The following CDKN2B-AS1 variants were observed in gnomAD, a reference collection of about 807,000 sequenced individuals.
The protein encoded by CDKN2B-AS1 is CDKN2B antisense RNA 1 (non-protein coding).
intron 4 of CDKN2B-AS1, among the ~76,000 whole-genome samples, chr9:22,060,108 T>C (rs897849172): frequency 4.4e-4 from 67 of 152,318 alleles, no homozygotes; most frequent in African/African-American, 1.5e-3. Flanking sequence ...GGATTAACAT[T>C]AGGCCCCATG....
At chr9:22,110,973 T>C (rs1435303179) in intron 4 of CDKN2B-AS1, among the ~76,000 whole-genome samples, 1 of 152,200 alleles carries the variant, frequency 6.6e-6, no homozygotes, top group African/African-American at 2.4e-5. Context: ...GAACATTTTA[T>C]TTTGAGATTC....
chr9:22,011,213 A>G (rs1282620186), intron 1 of CDKN2B-AS1, among the ~76,000 whole-genome samples: 2 of 152,242 alleles, frequency 1.3e-5, no homozygotes, highest in East Asian at 1.9e-4. Flanking sequence ...TCTCCCGTCA[A>G]ATAGAAAGGA....
intron 1 of CDKN2B-AS1, among the ~76,000 whole-genome samples, chr9:22,024,440 A>G (rs902091566): frequency 2.6e-5 from 4 of 152,180 alleles, no homozygotes; most frequent in Non-Finnish European, 5.9e-5. Context: ...CTCCTGCTAT[A>G]GACTGTCTGT....
At chr9:22,020,064 C>G (rs147391940) in intron 1 of CDKN2B-AS1, among the ~76,000 whole-genome samples, 226 of 152,242 alleles carry the variant, frequency 1.5e-3, no homozygotes, top group African/African-American at 5.3e-3. Flanking sequence ...TGTTGTTCCC[C>G]TCTGTGTGTT....
intron 1 of CDKN2B-AS1, chr9:22,004,179 A>G (rs1821055442): frequency 8.6e-6 from 2 of 232,332 alleles, no homozygotes; most frequent in African/African-American, 2.2e-5. Flanking sequence ...CCCCAATAAC[A>G]TATGCTCTGA....
intron 1 of CDKN2B-AS1, among the ~76,000 whole-genome samples, chr9:22,013,299 C>T (rs907518568): frequency 3.9e-5 from 6 of 152,152 alleles, no homozygotes; most frequent in Non-Finnish European, 8.8e-5. Context: ...GAATTTAACC[C>T]ATAACAACAG....
chr9:22,042,138 G>A (rs943838656), intron 1 of CDKN2B-AS1, among the ~76,000 whole-genome samples: 3 of 152,012 alleles, frequency 2.0e-5, no homozygotes, highest in Non-Finnish European at 4.4e-5. Flanking sequence ...GGCACAAGAG[G>A]CCAAGAAATA....
intron 4 of CDKN2B-AS1, among the ~76,000 whole-genome samples, chr9:22,115,664 T>A (rs1039031686): frequency 2.0e-4 from 31 of 152,050 alleles, no homozygotes; most frequent in African/African-American, 7.0e-4. Flanking sequence ...AAGGGGTGGG[T>A]GGGACCTGTG....
At chr9:22,060,926 C>T (rs1002595583) in intron 4 of CDKN2B-AS1, among the ~76,000 whole-genome samples, 6 of 152,144 alleles carry the variant, frequency 3.9e-5, no homozygotes, top group African/African-American at 1.2e-4. Context: ...ATTCAGTTAC[C>T]TCACCCTGGA....
chr9:22,036,168 TG>T (rs1822681289), intron 1 of CDKN2B-AS1, among the ~76,000 whole-genome samples: 1 of 152,096 alleles, frequency 6.6e-6, no homozygotes, highest in African/African-American at 2.4e-5. Context: ...TAATAAAACG[TG>T]GGTCAAAATT....
At chr9:22,081,819 G>A (rs1322513689) in intron 4 of CDKN2B-AS1, among the ~76,000 whole-genome samples, 1 of 152,224 alleles carries the variant, frequency 6.6e-6, no homozygotes, top group Non-Finnish European at 1.5e-5. Context: ...GAAGAACATG[G>A]CACCCAATCC....
chr9:22,041,569 A>G (rs570477635), intron 1 of CDKN2B-AS1, among the ~76,000 whole-genome samples: 2 of 152,222 alleles, frequency 1.3e-5, no homozygotes, highest in Admixed American at 1.3e-4. Flanking sequence ...ACATGTGATA[A>G]TGTGCATGGT....
At chr9:22,011,159 G>C (rs574608426) in intron 1 of CDKN2B-AS1, among the ~76,000 whole-genome samples, 51 of 152,168 alleles carry the variant, frequency 3.4e-4, no homozygotes, top group Non-Finnish European at 6.2e-4. Flanking sequence ...ACCAGCTCCA[G>C]ACAGAATTCT....
At chr9:22,009,081 T>G (rs536144156) in intron 1 of CDKN2B-AS1, 1 of 1,395,506 alleles carries the variant, frequency 7.2e-7, no homozygotes, top group African/African-American at 1.4e-5. Flanking sequence ...GGGCTCAGCT[T>G]CATTACCCTC....
chr9:22,102,400 T>C (rs192888499), intron 4 of CDKN2B-AS1, among the ~76,000 whole-genome samples: 8 of 152,348 alleles, frequency 5.3e-5, no homozygotes, highest in Admixed American at 4.6e-4. Flanking sequence ...TTGATGGCTT[T>C]ATAACAACAG....
intron 4 of CDKN2B-AS1, among the ~76,000 whole-genome samples, chr9:22,078,910 T>C (rs538812952): frequency 1.0e-3 from 157 of 152,308 alleles, no homozygotes; most frequent in African/African-American, 3.6e-3. Context: ...CATTGTCTGG[T>C]AAAATGAGGA....
At chr9:22,102,135 G>A (rs978780941) in intron 4 of CDKN2B-AS1, among the ~76,000 whole-genome samples, 1 of 152,098 alleles carries the variant, frequency 6.6e-6, no homozygotes, top group Non-Finnish European at 1.5e-5. Flanking sequence ...GGCCGTATTG[G>A]GCTCATGGTA....
intron 1 of CDKN2B-AS1, chr9:22,003,061 C>A (rs181736450): frequency 9.4e-6 from 2 of 212,564 alleles, no homozygotes; most frequent in Admixed American, 1.2e-4. Flanking sequence ...AGAAGCAGGA[C>A]TCATGAAAAT....
At chr9:22,116,893 G>C (rs879775664) in intron 4 of CDKN2B-AS1, among the ~76,000 whole-genome samples, 8 of 152,114 alleles carry the variant, frequency 5.3e-5, no homozygotes, top group Non-Finnish European at 1.0e-4. Context: ...TTGGCTAAAA[G>C]GAATATTATG....
Sources: allele counts gnomAD v4.1 joint callset (sites outside exome capture counted in the v4.1 genomes callset), GRCh38; gene constraint gnomAD v4.1.1; transcripts MANE v1.5; gene names NCBI Gene and HGNC (gene_info 2026-07-23, HGNC 2026-07-21).